Variants in FRK observed in about 807,000 individuals in gnomAD.
FRK encodes tyrosine-protein kinase FRK.
A neutral mutation model predicts 56.4 loss-of-function variants in FRK; 51 were observed. That is an observed-to-expected ratio of 0.90 (90% CI 0.72 to 1.14). The LOEUF (loss-of-function observed/expected upper bound fraction) is 1.14. Among genes scored for constraint, FRK ranks in the 50% most tolerant of loss-of-function variants. FRK has a pLI of 0.00. For missense variants in FRK, 570 were observed against 601.4 expected (o/e 0.95, Z 0.55); for synonymous variants, 245 against 217.9 (o/e 1.12, Z -1.10).
chr6:116,040,755 A>G (rs1776679719), intron 1 of FRK, among the ~76,000 whole-genome samples: 1 of 152,192 alleles, frequency 6.6e-6, no homozygotes, highest in South Asian at 2.1e-4. Context: ...GGAAACGGGA[A>G]GAATTCATAG....
At chr6:116,085,241 G>A in the FRK span, among the ~76,000 whole-genome samples, 512 of 152,212 alleles carry the variant, frequency 3.4e-3, 7 homozygotes, top group Non-Finnish European at 2.4e-3. Flanking sequence ...GTTGAGGGAT[G>A]ACTAGGATAG....
At chr6:116,084,439 G>C in the FRK span, among the ~76,000 whole-genome samples, 2 of 152,212 alleles carry the variant, frequency 1.3e-5, no homozygotes, top group African/African-American at 4.8e-5. Flanking sequence ...GGGACTGACT[G>C]TTTTCAGATG....
chr6:115,978,705 C>G (rs1685116723), intron 2 of FRK, among the ~76,000 whole-genome samples: 1 of 152,114 alleles, frequency 6.6e-6, no homozygotes, highest in Non-Finnish European at 1.5e-5. Flanking sequence ...GCCTAGTGAC[C>G]TCATTGTGCT....
the FRK span, chr6:116,100,699 A>C: frequency 3.0e-6 from 1 of 333,454 alleles, no homozygotes; most frequent in Middle Eastern, 8.1e-4. Flanking sequence ...ACGCGAGCTG[A>C]CTACCTGACT....
At position 115,941,919 on chromosome 6, in the gene FRK, G is replaced by A. The variant is rs1197349882; in HGVS notation, c.*495C>T. 1 of 153,286 alleles carries A rather than the reference G, an allele frequency of 6.5e-6. No individual in the cohort carries two copies. The highest frequency in any genetic ancestry group is 1.5e-5 in the Non-Finnish European group (1 of 68,702). 9.5% of individuals were successfully genotyped at this position (153,286 alleles called of 1,614,324 possible). ...GGCTTTACCATCATTGTAGTTACAG[G>A]ATATTTTAAAAGAGAAAAAAAAATC... On this transcript the variant is annotated 3_prime_UTR_variant, in exon 8 of 8. Transcript: ENST00000606080.
chr6:115,999,610 G>A (rs918445535), intron 2 of FRK, among the ~76,000 whole-genome samples: 2 of 152,190 alleles, frequency 1.3e-5, no homozygotes, highest in East Asian at 3.8e-4. Context: ...GAAAGAAAGA[G>A]ATAGAAAAGG....
intron 1 of FRK, chr6:116,038,954 C>G (rs1490013536): frequency 1.5e-6 from 1 of 675,412 alleles, no homozygotes. Context: ...AGAACTGCTA[C>G]AAAGTAACTA....
the FRK span, among the ~76,000 whole-genome samples, chr6:116,069,035 C>T: frequency 2.6e-5 from 4 of 152,194 alleles, no homozygotes; most frequent in East Asian, 7.7e-4. Flanking sequence ...GCTGATAAGC[C>T]TTTCCTAAAA....
chr6:116,082,481 A>G, the FRK span, among the ~76,000 whole-genome samples: 1 of 152,212 alleles, frequency 6.6e-6, no homozygotes, highest in African/African-American at 2.4e-5. Context: ...AGGTGGTAGC[A>G]GTGAAGCAGT....
Position 115,940,859 on chromosome 6 carries a change from G to A in FRK, c.*1555C>T, listed in dbSNP as rs1481594770. On this transcript the variant is annotated 3_prime_UTR_variant, in exon 8 of 8. Coordinates refer to ENST00000606080, the MANE Select transcript of FRK (RefSeq NM_002031.3). ...TGCTGTTTTGGATGCCAAAGAGGAT[G>A]TGGAGAAATAGGAACACATTTACAC... 1 of 152,330 alleles carries A rather than the reference G, an allele frequency of 6.6e-6. No homozygotes were observed. The highest frequency in any genetic ancestry group is 2.1e-4 in the South Asian group (1 of 4,824). The allele number at this position is 152,330 out of a possible 1,614,324, so 9.4% of individuals were successfully genotyped here.
chr6:115,998,161 A>C (rs1391490406), intron 2 of FRK, among the ~76,000 whole-genome samples: 1 of 152,150 alleles, frequency 6.6e-6, no homozygotes, highest in Non-Finnish European at 1.5e-5. Context: ...CTGTCTGCAG[A>C]ATGCTGATGG....
the FRK span, among the ~76,000 whole-genome samples, chr6:116,091,539 C>T: frequency 1.9e-4 from 29 of 152,264 alleles, no homozygotes; most frequent in East Asian, 3.5e-3. Flanking sequence ...AAGAACCCAC[C>T]GGAAGGAACC....
intron 2 of FRK, among the ~76,000 whole-genome samples, chr6:115,988,438 T>A (rs1240298488): frequency 1.3e-5 from 2 of 152,082 alleles, no homozygotes; most frequent in South Asian, 4.1e-4. Context: ...TGGTTTCATA[T>A]AGCATAAATT....
At chr6:116,062,397 A>C (rs955531867), upstream of FRK, among the ~76,000 whole-genome samples, 1 of 152,012 alleles carries the variant, frequency 6.6e-6, no homozygotes, top group Non-Finnish European at 1.5e-5. Context: ...ATAGGATTCT[A>C]TTAATGCCCC....
chr6:116,027,748 G>T (rs1315981366), intron 1 of FRK, among the ~76,000 whole-genome samples: 2 of 151,118 alleles, frequency 1.3e-5, no homozygotes, highest in Non-Finnish European at 1.5e-5. Context: ...ATTATAAAAG[G>T]GCTTAAAGAA....
At chr6:115,988,313 A>G (rs1774462934) in intron 2 of FRK, among the ~76,000 whole-genome samples, 1 of 152,058 alleles carries the variant, frequency 6.6e-6, no homozygotes. Context: ...TTATATCATG[A>G]ACACATTTTG....
chr6:115,968,677 G>A lies in FRK; in HGVS notation c.529C>T (p.Leu177Phe), dbSNP rs917697615. ...GTTGAAAAGATTCTTCTTCGCGTGA[G>A]AAAAAATCCCCCTTCATCCAGTCTT... Reference protein sequence around the residue: ...IKRLDEGGFFLTRRRIFSTLN... With the variant: ...IKRLDEGGFFFTRRRIFSTLN... The change falls in exon 3 of 8, where the codon CTC (leucine) becomes TTC (phenylalanine). Residue 177 changes from leucine (L) to phenylalanine (F), a missense_variant. Leu to Phe is a conservative substitution (Grantham distance 22). Transcript: ENST00000606080. 6.2e-7 allele frequency: 1 copy of A among 1,613,612 alleles called. No homozygotes were observed. Among genetic ancestry groups the A allele is most frequent in the East Asian group, 2.2e-5 (1 of 44,876 alleles).
At chr6:115,981,295 C>T (rs1774190771) in intron 2 of FRK, among the ~76,000 whole-genome samples, 1 of 151,846 alleles carries the variant, frequency 6.6e-6, no homozygotes, top group Non-Finnish European at 1.5e-5. Context: ...TGTGAACTAT[C>T]AGAAATTTTA....
the FRK span, among the ~76,000 whole-genome samples, chr6:116,072,228 TG>T: frequency 3.9e-5 from 6 of 152,150 alleles, no homozygotes; most frequent in Admixed American, 3.9e-4. Flanking sequence ...GTTTCATCTT[TG>T]TATCATCCAC....
Sources: allele counts gnomAD v4.1 joint callset (sites outside exome capture counted in the v4.1 genomes callset), GRCh38; gene constraint gnomAD v4.1.1; transcripts MANE v1.5; gene names NCBI Gene and HGNC (gene_info 2026-07-23, HGNC 2026-07-21).